Variants in UST observed in about 807,000 individuals in gnomAD.
The protein encoded by UST is chondroitin sulfate 2-O-sulfotransferase.
Under a neutral mutation model 45.6 loss-of-function variants are expected in UST, and 21 were observed. That is an observed-to-expected ratio of 0.46 (90% CI 0.33 to 0.66). UST has a LOEUF of 0.66. Ranked by LOEUF, UST falls within the 30% of genes least tolerant of loss-of-function variation. UST has a pLI of 0.02. For synonymous variants in UST, 215 were observed against 200.6 expected (o/e 1.07, Z -0.61); for missense variants, 463 against 512.4 (o/e 0.90, Z 0.93).
intron 3 of UST, 50 bp from the exon 4 acceptor site, chr6:148,953,822 G>C (rs758516607): frequency 9.2e-7 from 1 of 1,090,550 alleles, no homozygotes; most frequent in South Asian, 1.7e-5. Flanking sequence ...AACTTAATAT[G>C]GCTTGGTAAA....
chr6:148,899,247 C>T (rs1779201198), intron 2 of UST, among the ~76,000 whole-genome samples: 1 of 151,886 alleles, frequency 6.6e-6, no homozygotes, highest in African/African-American at 2.4e-5. Context: ...CTACAGGCAC[C>T]CGCCACTACG....
At chr6:149,017,099 C>T (rs114971862) in intron 5 of UST, among the ~76,000 whole-genome samples, 12 of 152,302 alleles carry the variant, frequency 7.9e-5, no homozygotes, top group Non-Finnish European at 1.5e-4. Flanking sequence ...AAGATGCAGC[C>T]GGGCACAGTG....
At chr6:148,999,981 G>T (rs1201910048) in intron 5 of UST, among the ~76,000 whole-genome samples, 1 of 152,234 alleles carries the variant, frequency 6.6e-6, no homozygotes, top group Non-Finnish European at 1.5e-5. Context: ...CCTCATGCAT[G>T]GAGGAATTCC....
intron 1 of UST, among the ~76,000 whole-genome samples, chr6:148,788,673 A>C (rs1776781196): frequency 6.6e-6 from 1 of 152,242 alleles, no homozygotes; most frequent in Admixed American, 6.5e-5. Flanking sequence ...TCTTAAAAAA[A>C]AGATAAAATC....
chr6:148,902,863 T>G (rs560592762), intron 2 of UST, among the ~76,000 whole-genome samples: 27 of 152,330 alleles, frequency 1.8e-4, no homozygotes, highest in African/African-American at 6.3e-4. Context: ...CATTTCTTCC[T>G]TGCTGTTCTC....
intron 2 of UST, among the ~76,000 whole-genome samples, chr6:148,918,598 G>C (rs982561675): frequency 6.6e-6 from 1 of 152,106 alleles, no homozygotes; most frequent in Non-Finnish European, 1.5e-5. Context: ...GCATTCTCAT[G>C]ATGATTAAAA....
intron 2 of UST, among the ~76,000 whole-genome samples, chr6:148,891,910 C>A (rs983315949): frequency 6.6e-5 from 10 of 152,172 alleles, no homozygotes; most frequent in African/African-American, 2.4e-4. Context: ...CTACCTTCAG[C>A]ACCTGAACGT....
chr6:148,765,358 G>C (rs1224344034), intron 1 of UST, among the ~76,000 whole-genome samples: 2 of 152,086 alleles, frequency 1.3e-5, no homozygotes, highest in Non-Finnish European at 2.9e-5. Flanking sequence ...TGCTGTTTTG[G>C]TTACTATCAT....
intron 1 of UST, among the ~76,000 whole-genome samples, chr6:148,865,230 C>T (rs988010287): frequency 2.0e-5 from 3 of 152,124 alleles, no homozygotes; most frequent in South Asian, 2.1e-4. Context: ...TCTTTCCTGG[C>T]GTGTTGGTCA....
At chr6:148,956,965 G>A (rs112128144) in intron 4 of UST, among the ~76,000 whole-genome samples, 1,854 of 152,240 alleles carry the variant, frequency 0.012, 25 homozygotes, top group African/African-American at 0.042. Flanking sequence ...GTTTCTTCGG[G>A]GAGGTGAGGG....
At chr6:148,782,369 T>A (rs1238769085) in intron 1 of UST, among the ~76,000 whole-genome samples, 4 of 152,168 alleles carry the variant, frequency 2.6e-5, no homozygotes, top group African/African-American at 9.6e-5. Flanking sequence ...GCGAGAGAAC[T>A]AAAATTAGAA....
At chr6:149,048,064 T>C (rs1776419089) in intron 7 of UST, among the ~76,000 whole-genome samples, 1 of 152,010 alleles carries the variant, frequency 6.6e-6, no homozygotes, top group Non-Finnish European at 1.5e-5. Context: ...GCTAAATGTT[T>C]AGGGAAAAAA....
At chr6:148,873,692 C>T (rs1017187681) in intron 1 of UST, among the ~76,000 whole-genome samples, 2 of 152,214 alleles carry the variant, frequency 1.3e-5, no homozygotes, top group Non-Finnish European at 2.9e-5. Context: ...AGCTGCCTGA[C>T]ATGGTGCAGG....
rs1410940477 is a variant in UST, at chr6:148,747,569, G to A, written c.139G>A (p.Asp47Asn). The A allele has an allele frequency of 6.3e-7, 1 of 1,584,676 alleles. No individual in the cohort carries two copies. ...GCCTTTCCTGCGCTTCTCCCTCCGG[G>A]ACTACGGCTTCTGCATGGCCACCCT... The part of the protein sequence containing the change: ...LLPFLRFSLR[D>N]YGFCMATLLV... Residue 47 changes from aspartate (D) to asparagine (N), a missense_variant, in exon 1 of 8, where the codon GAC becomes AAC. Coordinates refer to ENST00000367463, the MANE Select transcript of UST (RefSeq NM_005715.3).
chr6:148,747,109 GC>G lies in UST; in HGVS notation c.-318del, dbSNP rs1775873039. ...GGGTCCACGCTGGCGCTGGAGGCGA[GC>G]CCCGGCGGCCGCAAGCGAGCCCGAG... On this transcript the variant is annotated 5_prime_UTR_variant, in exon 1 of 8. Transcript: ENST00000367463. Among the ~76,000 whole-genome samples, 2 of 150,660 alleles carry G rather than the reference GC, an allele frequency of 1.3e-5. No homozygotes were observed. The highest frequency in any genetic ancestry group is 6.6e-5 in the Admixed American group (1 of 15,152).
rs760159603 is a variant in UST at position 148,941,387 on chromosome 6, G to T, written c.400G>T (p.Val134Phe). 2 of 1,611,146 alleles carry T rather than the reference G, an allele frequency of 1.2e-6. No individual in the cohort carries two copies. The highest frequency in any genetic ancestry group is 2.2e-5 in the South Asian group (2 of 90,242). ...GTCGGAGAAGCACGGATTTAATTTG[G>T]TCACATCAGACATTCACAACAAAAC... ...ILSEKHGFNLVTSDIHNKTRL... is the reference protein window; with the variant it reads ...ILSEKHGFNLFTSDIHNKTRL... The change falls in exon 3 of 8, where the codon GTC becomes TTC. Residue 134 changes from valine (V) to phenylalanine (F), a missense_variant. Physicochemically the swap from Val to Phe is conservative, Grantham distance 50. Transcript: ENST00000367463.
rs59560602 is a variant in UST at position 149,003,444 on chromosome 6, CA to C, written c.682-15683del. Among the ~76,000 whole-genome samples the C allele has an allele frequency of 4.5e-3, 629 of 140,536 alleles. 5 individuals carry two copies. The highest frequency in any genetic ancestry group is 0.013 in the African/African-American group (512 of 38,600). 92.2% of individuals were successfully genotyped at this position (140,536 alleles called of 152,430 possible). A position where few individuals can be genotyped will look rare whatever the true frequency, so the allele number is the denominator to read the frequency against. Reference sequence around the variant, plus strand: ...ATGTCCAATTTGGTAAAAAACAAAACAAAAAAAAAAAACATTAAGGCACCTA... The same window carrying C: ...ATGTCCAATTTGGTAAAAAACAAAACAAAAAAAAAAACATTAAGGCACCTA... On this transcript the variant is annotated intron_variant, in intron 5 of 7. Transcript: ENST00000367463.
intron 1 of UST, among the ~76,000 whole-genome samples, chr6:148,840,607 C>T (rs563943132): frequency 1.2e-4 from 19 of 152,208 alleles, no homozygotes; most frequent in Non-Finnish European, 2.5e-4. Flanking sequence ...CCTGTGGATA[C>T]GAAAAGTCAG....
At chr6:148,835,779 A>C (rs1411566410) in intron 1 of UST, among the ~76,000 whole-genome samples, 2 of 152,206 alleles carry the variant, frequency 1.3e-5, no homozygotes, top group South Asian at 2.1e-4. Flanking sequence ...TTTGTGTACA[A>C]ATACGGAAGT....
Sources: gnomAD v4.1 joint callset for allele counts (sites outside exome capture counted in the v4.1 genomes callset) on GRCh38, gnomAD v4.1.1 for gene constraint, MANE v1.5 for transcripts, NCBI Gene and HGNC (gene_info 2026-07-23, HGNC 2026-07-21) for gene names.